PRCD: variants seen among roughly 807,000 people sequenced by gnomAD.
PRCD encodes photoreceptor disc component.
Under a neutral mutation model 10.1 loss-of-function variants are expected in PRCD, and 12 were observed. The ratio of observed to expected loss-of-function variants is 1.18; its 90% CI spans 0.76 to 1.92. The LOEUF is 1.92. Among genes scored for constraint, PRCD ranks in the 40% most tolerant of loss-of-function variants. The pLI, the probability that PRCD is intolerant of heterozygous loss-of-function variation, is 0.00. For missense variants in PRCD, 61 were observed against 72.2 expected, an observed-to-expected ratio of 0.84 and a Z score of 0.56; for synonymous variants, 31 against 26.2, an observed-to-expected ratio of 1.18 and a Z score of -0.56.
In PRCD at chr17:76,545,240, G is replaced by A. The variant is rs1218653827; in HGVS notation, c.*1590G>A. 1 of 456,772 alleles carries A rather than the reference G, an allele frequency of 2.2e-6. No homozygotes were observed. Among genetic ancestry groups the A allele is most frequent in the Admixed American group, 2.3e-5 (1 of 42,592 alleles). 28.3% of individuals were successfully genotyped at this position (456,772 alleles called of 1,614,324 possible). On this transcript the variant is annotated 3_prime_UTR_variant, in exon 5 of 5. Coordinates refer to ENST00000592014, the MANE Select transcript of PRCD (RefSeq NM_001077620.3). The stretch of plus-strand genomic sequence containing the variant: ...GCAGAAAGTTACCTCTCTCAGCCTA[G>A]AGCTCCCCACAGAAGGCTCCTGGGA...
Position 76,540,556 on chromosome 17 carries a change from C to T in PRCD, c.126C>T (p.Asp42=), listed in dbSNP as rs781553592. 1.2e-5 allele frequency: 20 copies of T among 1,613,334 alleles called. No homozygotes were observed. Among genetic ancestry groups the T allele is most frequent in the Non-Finnish European group, 1.6e-5 (19 of 1,179,902 alleles). ...CTAGGGGCAGCAGCTTGGATGCGGA[C>T]CCTCAGTCCTCAGGCAGGTAAGGCA... ...GAARGSSLDA[D]PQSSGREKEP... is the part of the protein sequence containing the mutation. Residue 42 remains aspartate (D), a synonymous_variant, in exon 2 of 5, where the codon GAC becomes GAT. Transcript: ENST00000592014. The surrounding 1 kb of genome is among the most constrained non-coding windows in gnomAD (Gnocchi z 5.0).
upstream of PRCD, chr17:76,538,536 A>G (rs371508535): frequency 1.1e-5 from 5 of 464,728 alleles, no homozygotes; most frequent in South Asian, 3.1e-5. Context: ...CCTGAATTCT[A>G]GCCCAGCTGG....
upstream of PRCD, chr17:76,527,775 C>T: frequency 2.2e-6 from 1 of 454,026 alleles, no homozygotes; most frequent in Non-Finnish European, 4.4e-6. Flanking sequence ...AGGCCCCTCC[C>T]CCAGTGCGGT....
At chr17:76,534,975 G>C (rs767583595) in intron 1 of PRCD, among the ~76,000 whole-genome samples, 2 of 152,250 alleles carry the variant, frequency 1.3e-5, no homozygotes, top group African/African-American at 4.8e-5. Context: ...AGCCAGCCCT[G>C]GGGAGTTTCT....
At chr17:76,536,022 C>T (rs969166051), upstream of PRCD, among the ~76,000 whole-genome samples, 7 of 152,196 alleles carry the variant, frequency 4.6e-5, no homozygotes, top group African/African-American at 1.7e-4. Flanking sequence ...ATCTGCGGCT[C>T]TGCTACCCAC....
In PRCD at chr17:76,531,789, TG is replaced by T; in HGVS notation, n.45+3957del. On this transcript the variant is annotated intron_variant and non_coding_transcript_variant, in intron 1 of 4. Coordinates refer to the PRCD transcript ENST00000397633. This position sits in a 1 kb window ranked among gnomAD's most constrained non-coding sequence, Gnocchi z 7.4. Reference sequence around the variant, plus strand: ...TGGGGGCTGAAGAAGTGGACCGCAGTGCTCCCCACCCCCGCACCGTCACTGT... The same window carrying T: ...TGGGGGCTGAAGAAGTGGACCGCAGTCTCCCCACCCCCGCACCGTCACTGT... 1 of 964,228 alleles carries T rather than the reference TG, an allele frequency of 1.0e-6. No homozygotes were observed. Among genetic ancestry groups the T allele is most frequent in the Non-Finnish European group, 1.6e-6 (1 of 640,920 alleles). 59.7% of individuals were successfully genotyped at this position (964,228 alleles called of 1,614,324 possible).
At chr17:76,549,716 A>G (rs140024021), downstream of PRCD, among the ~76,000 whole-genome samples, 421 of 152,384 alleles carry the variant, frequency 2.8e-3, no homozygotes, top group African/African-American at 9.4e-3. Flanking sequence ...TGAGATATAT[A>G]AAGATAGAAT....
Position 76,531,680 on chromosome 17 carries a change from T to C in PRCD, n.45+3847T>C. On this transcript the variant is annotated intron_variant and non_coding_transcript_variant, in intron 1 of 4. Transcript: ENST00000397633. This position sits in a 1 kb window ranked among gnomAD's most constrained non-coding sequence, Gnocchi z 7.4. Reference sequence around the variant, plus strand: ...GAAGTACTGCTTGGCCGAGGGGAAGTTCACAAAGAACCTGGCAAGAGGAAC... The same window carrying C: ...GAAGTACTGCTTGGCCGAGGGGAAGCTCACAAAGAACCTGGCAAGAGGAAC... 6.3e-7 allele frequency: 1 copy of C among 1,594,166 alleles called. No homozygotes were observed. Among genetic ancestry groups the C allele is most frequent in the African/African-American group, 1.3e-5 (1 of 74,654 alleles).
rs559066065 is a variant in PRCD, at chr17:76,543,636, C to A, written c.*153-167C>A. On this transcript the variant is annotated intron_variant, in intron 4 of 4. Transcript: ENST00000592014. The stretch of plus-strand genomic sequence containing the variant: ...CGCTCCTACCCACCATGGCAGGCGG[C>A]CTCCCCCTGGAACCTAACAGTTTGC... Among the ~76,000 whole-genome samples the A allele has an allele frequency of 1.6e-3, 251 of 152,328 alleles. 1 individual carries two copies. Among genetic ancestry groups the A allele is most frequent in the Non-Finnish European group, 2.7e-3 (181 of 68,028 alleles).
In PRCD at chr17:76,528,448, T is replaced by C. The variant is rs550914688; in HGVS notation, n.45+615T>C. On this transcript the variant is annotated intron_variant and non_coding_transcript_variant, in intron 1 of 4. Coordinates refer to the PRCD transcript ENST00000397633. The surrounding 1 kb of genome is among the most constrained non-coding windows in gnomAD (Gnocchi z 5.8). ...GGGGACCCTGGCCGCCACAGAGGCC[T>C]CCTTCGGGGAAGTTGAGTCAGGGAT... 3.9e-5 allele frequency: 35 copies of C among 900,684 alleles called. No homozygotes were observed. In the East Asian group the frequency reaches 6.0e-4, roughly 15 times the overall value. The allele number at this position is 900,684 out of a possible 1,614,324, so 55.8% of individuals were successfully genotyped here. A position where few individuals can be genotyped will look rare whatever the true frequency, so the allele number is the denominator to read the frequency against.
chr17:76,547,672 C>T (rs531361342), downstream of PRCD, among the ~76,000 whole-genome samples: 12 of 151,276 alleles, frequency 7.9e-5, no homozygotes, highest in African/African-American at 2.7e-4. Flanking sequence ...CATATTCACA[C>T]ACAGAGACAC....
intron 1 of PRCD, among the ~76,000 whole-genome samples, chr17:76,534,166 CTCTCTCTCTCTT>C (rs1472117760): frequency 6.7e-5 from 10 of 148,260 alleles, no homozygotes; most frequent in African/African-American, 2.0e-4. Flanking sequence ...CTCTCTCTCT[CTCTCTCTCTCTT>C]TCTTTCTTTC....
At chr17:76,537,416 C>T (rs549780265), upstream of PRCD, 5 of 1,597,688 alleles carry the variant, frequency 3.1e-6, no homozygotes, top group South Asian at 2.2e-5. Context: ...AGGATGGCCA[C>T]CCCCACGTCC....
Position 76,544,195 on chromosome 17 carries a change from C to T in PRCD, c.*545C>T, listed in dbSNP as rs759624725. ...TCACAGCTATTAGTCTTCAAAAACC[C>T]CCCGTGCCTCTGTGCACACGCGTCT... On this transcript the variant is annotated 3_prime_UTR_variant, in exon 5 of 5. Transcript: ENST00000592014. 15 of 454,436 alleles carry T rather than the reference C, an allele frequency of 3.3e-5. No homozygotes were observed. The highest frequency in any genetic ancestry group is 1.8e-5 in the Non-Finnish European group (4 of 226,816). 28.2% of individuals were successfully genotyped at this position (454,436 alleles called of 1,614,324 possible).
chr17:76,539,981 G>C (rs1224947841), upstream of PRCD: 5 of 712,146 alleles, frequency 7.0e-6, no homozygotes, highest in South Asian at 5.3e-5. Context: ...TCACAAGGTC[G>C]GGGCCGCTGA....
In PRCD at chr17:76,531,515, G is replaced by A; in HGVS notation, n.45+3682G>A. ...GAGGGCGTGGGCTTTCCCCACAAGG[G>A]CGAGCACAGAGGACACCTTGTCGGG... On this transcript the variant is annotated intron_variant and non_coding_transcript_variant, in intron 1 of 4. Coordinates refer to the PRCD transcript ENST00000397633. The surrounding 1 kb of genome is among the most constrained non-coding windows in gnomAD (Gnocchi z 7.4). 6.2e-7 allele frequency: 1 copy of A among 1,613,962 alleles called. No homozygotes were observed. The highest frequency in any genetic ancestry group is 8.5e-7 in the Non-Finnish European group (1 of 1,179,810).
upstream of PRCD, among the ~76,000 whole-genome samples, chr17:76,535,856 A>G (rs2074908178): frequency 6.6e-6 from 1 of 152,142 alleles, no homozygotes; most frequent in Non-Finnish European, 1.5e-5. Context: ...CCGCACAGGT[A>G]CCTGGCAGGG....
chr17:76,540,661 G>A lies in PRCD; in HGVS notation c.143+88G>A. ...CCTGGGGGTGCACGTGTGTGCCTGT[G>A]CGCGCCTGTGCGTGCACCGTATCCT... On this transcript the variant is annotated intron_variant, in intron 2 of 4. Coordinates refer to ENST00000592014, the MANE Select transcript of PRCD (RefSeq NM_001077620.3). The surrounding 1 kb of genome is among the most constrained non-coding windows in gnomAD (Gnocchi z 5.0). The A allele has an allele frequency of 1.5e-6, 2 of 1,313,208 alleles. No individual in the cohort carries two copies. The highest frequency in any genetic ancestry group is 2.2e-6 in the Non-Finnish European group (2 of 918,376). The allele number at this position is 1,313,208 out of a possible 1,614,324, so 81.3% of individuals were successfully genotyped here.
chr17:76,529,820 G>A, intron 1 of PRCD: 1 of 985,370 alleles, frequency 1.0e-6, no homozygotes, highest in Non-Finnish European at 1.2e-6. Flanking sequence ...GTCTCAGGCA[G>A]GCCAGGGCCC....
Sources: allele counts gnomAD v4.1 joint callset (sites outside exome capture counted in the v4.1 genomes callset), GRCh38; gene constraint gnomAD v4.1.1; non-coding constraint Gnocchi (gnomAD v3.1); transcripts MANE v1.5; gene names NCBI Gene and HGNC (gene_info 2026-07-23, HGNC 2026-07-21).